The following ITGAE variants were observed in gnomAD, a reference collection of about 807,000 sequenced individuals.
ITGAE encodes integrin subunit alpha E.
Under a neutral mutation model 136.5 loss-of-function variants are expected in ITGAE, and 99 were observed. That is an observed-to-expected ratio of 0.73 (90% confidence interval 0.62 to 0.86). The LOEUF is 0.86. Ranked by LOEUF, ITGAE falls within the 40% of genes least tolerant of loss-of-function variation. The pLI is 0.00. For synonymous variants in ITGAE, 613 were observed against 591.8 expected, an observed-to-expected ratio of 1.04 and a Z score of -0.52; for missense variants, 1,447 against 1,515.3, an observed-to-expected ratio of 0.95 and a Z score of 0.75.
At chr17:3,715,105 A>G (rs184047319) in intron 30 of ITGAE, among the ~76,000 whole-genome samples, 163 bp from the exon 31 acceptor site, 5 of 152,158 alleles carry the variant, frequency 3.3e-5, no homozygotes, top group East Asian at 3.9e-4. Flanking sequence ...GGAGAGTCCA[A>G]TCCTTCAAGA....
chr17:3,793,285 G>T (rs1278713663), intron 1 of ITGAE, among the ~76,000 whole-genome samples: 2 of 151,996 alleles, frequency 1.3e-5, no homozygotes, highest in Admixed American at 1.3e-4. Flanking sequence ...ATCTCCTGAC[G>T]TCCTGATCCA....
chr17:3,760,907 C>T lies in ITGAE; in HGVS notation c.598+106G>A, dbSNP rs576429968. 30 of 1,465,170 alleles carry T rather than the reference C, an allele frequency of 2.0e-5. No homozygotes were observed. In the Admixed American group the frequency reaches 5.5e-4, roughly 27 times the overall value. 90.8% of individuals were successfully genotyped at this position (1,465,170 alleles called of 1,614,324 possible). A position where few individuals can be genotyped will look rare whatever the true frequency, so the allele number is the denominator to read the frequency against. ...ACAGGTCAGGTCTGTAAAGTCCAGC[C>T]ACTGCTCCCCATCTCTCAGACTGAG... On this transcript the variant is annotated intron_variant, in intron 6 of 30. Coordinates refer to ENST00000263087, the MANE Select transcript of ITGAE (RefSeq NM_002208.5).
intron 19 of ITGAE, among the ~76,000 whole-genome samples, chr17:3,743,173 T>A (rs910612182): frequency 6.6e-6 from 1 of 152,230 alleles, no homozygotes; most frequent in African/African-American, 2.4e-5. Flanking sequence ...CAGAGCCGCT[T>A]GCCAAGTGAG....
At chr17:3,784,143 C>T (rs2052729039) in intron 1 of ITGAE, among the ~76,000 whole-genome samples, 1 of 151,916 alleles carries the variant, frequency 6.6e-6, no homozygotes, top group Admixed American at 6.6e-5. Flanking sequence ...GCCTGTAGTC[C>T]CAGCTACTCG....
intron 19 of ITGAE, 65 bp downstream of exon 19, chr17:3,743,424 G>T (rs1054642558): frequency 2.0e-6 from 3 of 1,493,710 alleles, no homozygotes; most frequent in African/African-American, 1.4e-5. Flanking sequence ...GGAAGTTAGG[G>T]GAGCAGGTGG....
In ITGAE at chr17:3,798,808, G is replaced by C. The variant is rs2053183118; in HGVS notation, c.34+2303C>G. Among the ~76,000 whole-genome samples, 2 of 152,162 alleles carry C rather than the reference G, an allele frequency of 1.3e-5. No individual in the cohort carries two copies. Among genetic ancestry groups the C allele is most frequent in the African/African-American group, 4.8e-5 (2 of 41,406 alleles). Reference sequence around the variant, plus strand: ...TTGATGTGACTGCAGAATGAGTCAGGGGTGAAGACTGACTTGGGGACAGCA... The same window carrying C: ...TTGATGTGACTGCAGAATGAGTCAGCGGTGAAGACTGACTTGGGGACAGCA... On this transcript the variant is annotated intron_variant, in intron 1 of 30. Transcript: ENST00000263087. The surrounding 1 kb of genome is among the most constrained non-coding windows in gnomAD (Gnocchi z 4.3).
chr17:3,722,133 CG>C lies in ITGAE; in HGVS notation c.3237+1154del, dbSNP rs35487711. Among the ~76,000 whole-genome samples, 1,156 of 150,690 alleles carry C rather than the reference CG, an allele frequency of 7.7e-3. 7 individuals are homozygous for C. The highest frequency in any genetic ancestry group is 0.012 in the Non-Finnish European group (783 of 67,778). On this transcript the variant is annotated intron_variant, in intron 28 of 30. Coordinates refer to ENST00000263087, the MANE Select transcript of ITGAE (RefSeq NM_002208.5). ...GGCGGAGGTTGCAGTGAGCCGAGAT[CG>C]TGCCATTGCACAACAAGAGCGAAAC...
At chr17:3,760,366 C>T in intron 6 of ITGAE, 79 bp from the exon 7 acceptor site, 3 of 706,886 alleles carry the variant, frequency 4.2e-6, no homozygotes, top group Non-Finnish European at 7.2e-6. Flanking sequence ...GCATGCACCC[C>T]CACTGCAGCC....
At chr17:3,771,340 G>T (rs951038238) in intron 2 of ITGAE, among the ~76,000 whole-genome samples, 2 of 152,138 alleles carry the variant, frequency 1.3e-5, no homozygotes, top group African/African-American at 2.4e-5. Context: ...TGCAAAACCA[G>T]GCGAGGCTAA....
chr17:3,742,318 T>C (rs2051606579), intron 19 of ITGAE, among the ~76,000 whole-genome samples: 1 of 152,228 alleles, frequency 6.6e-6, no homozygotes, highest in Admixed American at 6.5e-5. Flanking sequence ...AGGACATTAA[T>C]AGGACAACTG....
intron 26 of ITGAE, chr17:3,724,112 G>A (rs1203223231): frequency 6.3e-7 from 1 of 1,594,774 alleles, no homozygotes; most frequent in Non-Finnish European, 8.5e-7. Flanking sequence ...ACCCCTCGCA[G>A]TCCGACGATC....
intron 12 of ITGAE, 53 bp downstream of exon 12, chr17:3,755,064 A>AGGCCCCGCCCTCATCAGGT (rs3833165): frequency 0.53 from 394,517 of 739,102 alleles, 128,118 homozygotes; most frequent in African/African-American, 0.73. Flanking sequence ...GGGAGCCTCC[A>AGGCCCCGCCCTCATCAGGT]GGCCCCGCCC....
chr17:3,720,320 T>A lies in ITGAE; in HGVS notation c.3320A>T (p.Asn1107Ile). The A allele has an allele frequency of 6.4e-7, 1 of 1,558,716 alleles. No homozygotes were observed. Among genetic ancestry groups the A allele is most frequent in the Non-Finnish European group, 8.9e-7 (1 of 1,129,614 alleles). The part of the protein sequence containing the change: ...KSLYEGLNAE[N>I]HRTKITVVFL... ...GCCAGGAATTACCTTAGTTCTGTGG[T>A]TCTCTGCATTCAGTCCCTCATATAG... Residue 1107 changes from asparagine (N) to isoleucine (I), a missense_variant, in exon 29 of 31, where the codon AAC (asparagine) becomes ATC (isoleucine). Asn to Ile is a moderately radical substitution (Grantham distance 149). Transcript: ENST00000263087.
intron 2 of ITGAE, among the ~76,000 whole-genome samples, chr17:3,768,544 C>T (rs1038741059): frequency 4.6e-5 from 7 of 152,150 alleles, no homozygotes; most frequent in Admixed American, 2.0e-4. Context: ...CCCTCCACGG[C>T]GCTGTTCCCT....
intron 2 of ITGAE, among the ~76,000 whole-genome samples, chr17:3,776,261 T>C (rs2052537349): frequency 6.6e-6 from 1 of 152,066 alleles, no homozygotes; most frequent in Non-Finnish European, 1.5e-5. Flanking sequence ...TTTCACCATG[T>C]TGGCCAGGCT....
At chr17:3,782,758 T>C (rs2052695078) in intron 1 of ITGAE, among the ~76,000 whole-genome samples, 1 of 152,190 alleles carries the variant, frequency 6.6e-6, no homozygotes, top group South Asian at 2.1e-4. Flanking sequence ...ATAAACACTC[T>C]TGAAAAGCTA....
intron 3 of ITGAE, among the ~76,000 whole-genome samples, chr17:3,763,205 A>G (rs1193311034): frequency 6.6e-6 from 1 of 152,102 alleles, no homozygotes; most frequent in Non-Finnish European, 1.5e-5. Context: ...AGACAAGACA[A>G]GGATTCTATT....
chr17:3,736,385 AC>A (rs2143012606), intron 20 of ITGAE, among the ~76,000 whole-genome samples: 2 of 152,280 alleles, frequency 1.3e-5, no homozygotes, highest in South Asian at 4.1e-4. Context: ...AGAGAATTGT[AC>A]CCAAATCCTC....
intron 1 of ITGAE, among the ~76,000 whole-genome samples, chr17:3,796,582 G>C (rs1315031565): frequency 6.6e-6 from 1 of 152,084 alleles, no homozygotes; most frequent in Non-Finnish European, 1.5e-5. Context: ...ACAGGCGAGG[G>C]CTGGCCCTCC....
Sources: gnomAD v4.1 joint callset for allele counts (sites outside exome capture counted in the v4.1 genomes callset) on GRCh38, gnomAD v4.1.1 for gene constraint, Gnocchi (gnomAD v3.1) non-coding constraint, MANE v1.5 for transcripts, NCBI Gene and HGNC (gene_info 2026-07-23, HGNC 2026-07-21) for gene names.